Variants in ATP9A observed in about 807,000 individuals in gnomAD.
ATP9A encodes probable phospholipid-transporting ATPase IIA.
Under a neutral mutation model 144.1 loss-of-function variants are expected in ATP9A, and 52 were observed. The ratio of observed to expected loss-of-function variants is 0.36; its 90% CI spans 0.29 to 0.45. The LOEUF (loss-of-function observed/expected upper bound fraction) is 0.45, where lower values mean the gene tolerates loss of function less well. ATP9A is among the 20% of genes least tolerant of loss of function. The pLI is 1.00. For synonymous variants in ATP9A, 582 were observed against 557.4 expected, an observed-to-expected ratio of 1.04 and a Z score of -0.62; for missense variants, 947 against 1,392.7, an observed-to-expected ratio of 0.68 and a Z score of 5.09.
chr20:51,680,616 T>C (rs1474596930), intron 9 of ATP9A, among the ~76,000 whole-genome samples: 1 of 152,172 alleles, frequency 6.6e-6, no homozygotes, highest in Non-Finnish European at 1.5e-5. Flanking sequence ...GCAAGCTTTT[T>C]TATTTTTTTT....
intron 5 of ATP9A, among the ~76,000 whole-genome samples, chr20:51,696,614 T>C (rs1417041992): frequency 6.6e-6 from 1 of 152,066 alleles, no homozygotes; most frequent in Non-Finnish European, 1.5e-5. Flanking sequence ...TAAAAAAAAC[T>C]GGGGGGTGTG....
At chr20:51,641,981 A>G (rs184341750) in intron 14 of ATP9A, among the ~76,000 whole-genome samples, 4 of 150,266 alleles carry the variant, frequency 2.7e-5, no homozygotes, top group Admixed American at 6.6e-5. Flanking sequence ...TTATGAGAGG[A>G]AAGTGGGAGG....
At chr20:51,647,752 AG>A (rs1038027021) in intron 14 of ATP9A, among the ~76,000 whole-genome samples, 9 of 152,100 alleles carry the variant, frequency 5.9e-5, no homozygotes, top group African/African-American at 2.2e-4. Flanking sequence ...GAAAAAAAAA[AG>A]AAATGACTAT....
chr20:51,668,323 T>C lies in ATP9A; in HGVS notation c.1293+1674A>G, dbSNP rs372146203. 8.0e-5 allele frequency among the ~76,000 whole-genome samples: 12 copies of C among 149,874 alleles called. 2 individuals carry two copies. The highest frequency in any genetic ancestry group is 6.6e-5 in the Admixed American group (1 of 15,076). ...TAAGACAAGCAGCCCTGGGAGAGAA[T>C]AGGTTTAGGAGATGAGGGAAGAAAG... On this transcript the variant is annotated intron_variant, in intron 13 of 27. Transcript: ENST00000338821.
At chr20:51,676,340 TTG>T in intron 9 of ATP9A, 132 bp from the exon 10 acceptor site, 2 of 654,328 alleles carry the variant, frequency 3.1e-6, no homozygotes, top group Non-Finnish European at 4.9e-6. Flanking sequence ...TCTTGCTCTG[TTG>T]CTCATGCTGG....
intron 18 of ATP9A, among the ~76,000 whole-genome samples, chr20:51,624,661 G>A (rs917650038): frequency 3.9e-5 from 6 of 152,180 alleles, no homozygotes; most frequent in African/African-American, 1.4e-4. Flanking sequence ...AGTGGAGTCA[G>A]GGGAGTCATC....
At chr20:51,711,353 A>AT (rs1380308331) in intron 4 of ATP9A, among the ~76,000 whole-genome samples, 1 of 152,090 alleles carries the variant, frequency 6.6e-6, no homozygotes, top group Non-Finnish European at 1.5e-5. Context: ...CACCTTTGAC[A>AT]TTTTTCCCAA....
intron 26 of ATP9A, among the ~76,000 whole-genome samples, chr20:51,606,504 C>T (rs901199129): frequency 2.6e-5 from 4 of 152,264 alleles, no homozygotes; most frequent in African/African-American, 9.6e-5. Flanking sequence ...TGAGATCAGC[C>T]TGCACAACAT....
intron 1 of ATP9A, among the ~76,000 whole-genome samples, chr20:51,761,872 G>C (rs1418587557): frequency 6.6e-6 from 1 of 152,140 alleles, no homozygotes; most frequent in Non-Finnish European, 1.5e-5. Context: ...ATCAAGGAAG[G>C]TGTCAGCAGA....
intron 1 of ATP9A, among the ~76,000 whole-genome samples, chr20:51,764,907 G>T (rs182137360): frequency 6.6e-6 from 1 of 152,184 alleles, no homozygotes; most frequent in East Asian, 1.9e-4. Context: ...TTTTAGTAGA[G>T]ACAGGGTTTC....
At chr20:51,651,311 T>TATATTATATAATATATATTTAC in intron 14 of ATP9A, among the ~76,000 whole-genome samples, 1 of 130,674 alleles carries the variant, frequency 7.7e-6, no homozygotes, top group South Asian at 2.1e-4. Context: ...ATTTACATAA[T>TATATTATATAATATATATTTAC]ATATTATATA....
chr20:51,667,455 C>A (rs1001146161), intron 13 of ATP9A, among the ~76,000 whole-genome samples: 3 of 150,808 alleles, frequency 2.0e-5, no homozygotes, highest in Non-Finnish European at 4.4e-5. Context: ...AATCAATGAG[C>A]CCCCCAAGAA....
In ATP9A at chr20:51,747,945, C is replaced by T. The variant is rs571234510; in HGVS notation, c.69-17967G>A. 3.9e-5 allele frequency among the ~76,000 whole-genome samples: 6 copies of T among 152,320 alleles called. No individual in the cohort carries two copies. The East Asian group carries it at 1.2e-3, about 29-fold the overall frequency. On this transcript the variant is annotated intron_variant, in intron 1 of 27. Transcript: ENST00000338821. ...CCACCATTCCATTTCTATCAAACTACCCAACATGTCTGTAAGACCCACTCA... is the reference window on the plus strand; with the variant it reads ...CCACCATTCCATTTCTATCAAACTATCCAACATGTCTGTAAGACCCACTCA...
chr20:51,758,479 G>A (rs944538255), intron 1 of ATP9A, among the ~76,000 whole-genome samples: 1 of 152,150 alleles, frequency 6.6e-6, no homozygotes, highest in Non-Finnish European at 1.5e-5. Context: ...AGAAGTAAGG[G>A]ACAAAAGTCC....
At chr20:51,617,916 A>G (rs1455179907) in intron 21 of ATP9A, among the ~76,000 whole-genome samples, 2 of 152,210 alleles carry the variant, frequency 1.3e-5, no homozygotes, top group Non-Finnish European at 2.9e-5. Flanking sequence ...CGTGGCAAGC[A>G]CATTTTAAAG....
intron 1 of ATP9A, among the ~76,000 whole-genome samples, chr20:51,746,377 T>C (rs1030376055): frequency 5.3e-5 from 8 of 152,380 alleles, no homozygotes; most frequent in Admixed American, 3.9e-4. Context: ...GGTACCATTA[T>C]GGACAGCAGT....
At chr20:51,696,197 C>A in intron 5 of ATP9A, 53 bp from the exon 6 acceptor site, 2 of 1,576,670 alleles carry the variant, frequency 1.3e-6, no homozygotes, top group South Asian at 1.1e-5. Context: ...GTGTGCTGTG[C>A]GGTGGGGAGG....
At chr20:51,685,959 A>G (rs1327976236) in intron 9 of ATP9A, among the ~76,000 whole-genome samples, 2 of 152,224 alleles carry the variant, frequency 1.3e-5, no homozygotes, top group African/African-American at 2.4e-5. Flanking sequence ...AAGACTTGGA[A>G]CCAACCCAAA....
chr20:51,725,819 C>G lies in ATP9A; in HGVS notation c.327G>C (p.Leu109=), dbSNP rs1285219348. 1 of 1,582,636 alleles carries G rather than the reference C, an allele frequency of 6.3e-7. No homozygotes were observed. The highest frequency in any genetic ancestry group is 1.3e-5 in the African/African-American group (1 of 74,238). ...GAACAAACAATGCCGATTAACTTAC[C>G]AGGGGAACCCAGTAGGTATAGAGTG... ...LGALYTYWVP[L]GFVLAVTVIR... The change falls in exon 3 of 28, where the codon CTG becomes CTC. Residue 109 remains leucine (L), a splice_region_variant and synonymous_variant. Coordinates refer to ENST00000338821, the MANE Select transcript of ATP9A (RefSeq NM_006045.3).
Sources: gnomAD v4.1 joint callset for allele counts (sites outside exome capture counted in the v4.1 genomes callset) on GRCh38, gnomAD v4.1.1 for gene constraint, MANE v1.5 for transcripts, NCBI Gene and HGNC (gene_info 2026-07-23, HGNC 2026-07-21) for gene names.